The following MLXIP variants were observed in gnomAD, a reference collection of about 807,000 sequenced individuals.
The protein encoded by MLXIP is MLX-interacting protein.
Under a neutral mutation model 87.2 loss-of-function variants are expected in MLXIP, and 30 were observed. The observed-to-expected ratio is 0.34, with a 90% CI of 0.26 to 0.47. The LOEUF is 0.47. Ranked by LOEUF, MLXIP falls within the 20% of genes least tolerant of loss-of-function variation. The pLI, the probability that MLXIP is intolerant of heterozygous loss-of-function variation, is 1.00. For synonymous variants in MLXIP, 530 were observed against 514.0 expected (o/e 1.03, Z -0.42); for missense variants, 1,002 against 1,240.1 (o/e 0.81, Z 2.88).
rs1953108637 is a variant in MLXIP at position 122,137,205 on chromosome 12, G to A, written c.2033-264G>A. On this transcript the variant is annotated intron_variant, in intron 11 of 16. Coordinates refer to ENST00000319080, the MANE Select transcript of MLXIP (RefSeq NM_014938.6). The surrounding 1 kb of genome is among the most constrained non-coding windows in gnomAD (Gnocchi z 4.1). ...CCACCTGCGAAATATCTCGTAAAGC[G>A]ACACCAGTGACTGGAACACGTCACA... The A allele has an allele frequency of 1.3e-5, 4 of 309,504 alleles. No homozygotes were observed. Among genetic ancestry groups the A allele is most frequent in the South Asian group, 1.6e-4 (1 of 6,276 alleles). 19.2% of individuals were successfully genotyped at this position (309,504 alleles called of 1,614,324 possible). A position where few individuals can be genotyped will look rare whatever the true frequency, so the allele number is the denominator to read the frequency against.
chr12:122,114,737 C>CTTTTTT (rs1278951793), intron 1 of MLXIP, among the ~76,000 whole-genome samples: 1 of 121,046 alleles, frequency 8.3e-6, no homozygotes, highest in African/African-American at 3.2e-5. Context: ...AAGGTGACTT[C>CTTTTTT]TTTTTTTTTT....
intron 1 of MLXIP, among the ~76,000 whole-genome samples, chr12:122,083,110 G>T (rs1328724257): frequency 6.6e-6 from 1 of 152,176 alleles, no homozygotes; most frequent in Non-Finnish European, 1.5e-5. Context: ...GTGAGCTATT[G>T]TGCCCAGCCC....
At chr12:122,092,759 A>G (rs1157718772) in intron 1 of MLXIP, among the ~76,000 whole-genome samples, 5 of 152,326 alleles carry the variant, frequency 3.3e-5, no homozygotes, top group East Asian at 3.9e-4. Context: ...TTTGAACTCT[A>G]TAAACGGTTG....
At chr12:122,080,098 C>G (rs779081008) in intron 1 of MLXIP, among the ~76,000 whole-genome samples, 16 of 152,148 alleles carry the variant, frequency 1.1e-4, no homozygotes, top group Non-Finnish European at 2.2e-4. Flanking sequence ...AATGCCTGGC[C>G]CTCAAAGATT....
chr12:122,127,206 T>C (rs1480378857), intron 1 of MLXIP, 50 bp from the exon 2 acceptor site: 2 of 1,451,898 alleles, frequency 1.4e-6, no homozygotes, highest in Admixed American at 3.7e-5. Context: ...GTAATTTCAC[T>C]TCAATTTCAG....
chr12:122,124,197 CTCAGCTGTCCCCCTCCT>C (rs1260722327), intron 1 of MLXIP, among the ~76,000 whole-genome samples: 28,498 of 73,030 alleles, frequency 0.39, 8,509 homozygotes, highest in Middle Eastern at 0.53. Context: ...GTCCCCCGCC[CTCAGCTGTCCCCCTCCT>C]CAGCCGTCCC....
intron 1 of MLXIP, among the ~76,000 whole-genome samples, chr12:122,084,144 TTGTGTGTGTGTGTGTGTGTGTGTG>T (rs746678463): frequency 3.2e-4 from 44 of 138,244 alleles, no homozygotes; most frequent in African/African-American, 1.1e-3. Flanking sequence ...CTCAGCCAGA[TTGTGTGTGTGTGTGTGTGTGTGTG>T]TGTGTGTGTG....
Position 122,127,301 on chromosome 12 carries a change from G to A in MLXIP, c.459G>A (p.Lys153=), listed in dbSNP as rs1312045153. 6.2e-7 allele frequency: 1 copy of A among 1,613,980 alleles called. No individual in the cohort carries two copies. The highest frequency in any genetic ancestry group is 1.7e-5 in the Admixed American group (1 of 59,984). ...AGTGGAAGAATTTCAAGGGCCTGAA[G>A]CTACAGTGGAGAGACAAGATCCGGC... is the stretch of plus-strand genomic sequence containing the variant. The part of the protein sequence containing the change: ...SPKWKNFKGL[K]LQWRDKIRLN... Residue 153 remains lysine, a synonymous_variant, in exon 2 of 17, where the codon AAG becomes AAA. Transcript: ENST00000319080.
At chr12:122,103,521 CTTT>C (rs36181949) in intron 1 of MLXIP, among the ~76,000 whole-genome samples, 12 of 111,278 alleles carry the variant, frequency 1.1e-4, no homozygotes, top group Non-Finnish European at 1.3e-4. Flanking sequence ...TGCACCTGGC[CTTT>C]TTTTTTTTTT....
chr12:122,098,701 G>A (rs1238100683), intron 1 of MLXIP, among the ~76,000 whole-genome samples: 1 of 152,208 alleles, frequency 6.6e-6, no homozygotes, highest in East Asian at 1.9e-4. Flanking sequence ...GGAGGGAAGG[G>A]CAGGTTTTTC....
chr12:122,141,595 C>G lies in MLXIP; in HGVS notation c.2639-96C>G, dbSNP rs1197118968. ...AGCATGGCTGCTGCTCGCCCCGTGC[C>G]TGAGCATTCCCACATGGGTTGTAGG... On this transcript the variant is annotated intron_variant, in intron 16 of 16. Coordinates refer to ENST00000319080, the MANE Select transcript of MLXIP (RefSeq NM_014938.6). The G allele has an allele frequency of 7.1e-6, 11 of 1,544,210 alleles. No homozygotes were observed. In the African/African-American group the frequency reaches 8.1e-5, roughly 11 times the overall value.
In MLXIP at chr12:122,144,750, G is replaced by A. The variant is rs1185679705; in HGVS notation, c.*2938G>A. The A allele has an allele frequency of 6.6e-6, 1 of 152,156 alleles. No homozygotes were observed. The highest frequency in any genetic ancestry group is 1.5e-5 in the Non-Finnish European group (1 of 68,058). The allele number at this position is 152,156 out of a possible 1,614,324, so 9.4% of individuals were successfully genotyped here. A position where few individuals can be genotyped will look rare whatever the true frequency, so the allele number is the denominator to read the frequency against. ...AAAATACAAAACATTAGCCACGTGT[G>A]GTGGTACACGCCTGTAATCCCAGCT... On this transcript the variant is annotated 3_prime_UTR_variant, in exon 17 of 17. Coordinates refer to ENST00000319080, the MANE Select transcript of MLXIP (RefSeq NM_014938.6).
At chr12:122,129,920 C>G (rs1416752160) in intron 5 of MLXIP, 21 bp from the exon 6 acceptor site, 7 of 1,597,378 alleles carry the variant, frequency 4.4e-6, no homozygotes, top group Non-Finnish European at 6.0e-6. Flanking sequence ...TGCTTCCTCC[C>G]CTGTGTTGGT....
chr12:122,096,955 A>C (rs1025367592), intron 1 of MLXIP, among the ~76,000 whole-genome samples: 1 of 152,250 alleles, frequency 6.6e-6, no homozygotes, highest in Admixed American at 6.5e-5. Context: ...ATGACTTGGT[A>C]CATGGAAGGA....
At chr12:122,100,987 A>G (rs994202290) in intron 1 of MLXIP, among the ~76,000 whole-genome samples, 11 of 152,240 alleles carry the variant, frequency 7.2e-5, no homozygotes, top group Admixed American at 6.5e-4. Context: ...TGTAATAGAA[A>G]TTATCTGCAA....
intron 1 of MLXIP, among the ~76,000 whole-genome samples, chr12:122,100,614 G>A (rs1324831150): frequency 6.6e-6 from 1 of 152,156 alleles, no homozygotes; most frequent in African/African-American, 2.4e-5. Flanking sequence ...TCATGAGTTA[G>A]GTTTTCAACT....
intron 1 of MLXIP, among the ~76,000 whole-genome samples, chr12:122,108,974 T>C (rs532685229): frequency 3.3e-5 from 5 of 152,302 alleles, no homozygotes; most frequent in East Asian, 1.9e-4. Flanking sequence ...ATAAAAAATA[T>C]AATTTCCTTT....
At chr12:122,095,928 G>C (rs909170168) in intron 1 of MLXIP, among the ~76,000 whole-genome samples, 1 of 151,570 alleles carries the variant, frequency 6.6e-6, no homozygotes, top group East Asian at 1.9e-4. Context: ...GCAGTGGCGC[G>C]ATCTCAGCTC....
chr12:122,127,736 T>C (rs941202203), intron 2 of MLXIP, 147 bp from the exon 3 acceptor site: 11 of 681,658 alleles, frequency 1.6e-5, no homozygotes, highest in Non-Finnish European at 2.6e-5. Context: ...GACTCCTTTA[T>C]TTCCCTGAAA....
Sources: allele counts gnomAD v4.1 joint callset (sites outside exome capture counted in the v4.1 genomes callset), GRCh38; gene constraint gnomAD v4.1.1; non-coding constraint Gnocchi (gnomAD v3.1); transcripts MANE v1.5; gene names NCBI Gene and HGNC (gene_info 2026-07-23, HGNC 2026-07-21).